Variants in DOCK4 observed in about 807,000 individuals in gnomAD.
DOCK4 encodes dedicator of cytokinesis protein 4.
Under a neutral mutation model 268.1 loss-of-function variants are expected in DOCK4, and 97 were observed. The observed-to-expected ratio is 0.36, with a 90% confidence interval of 0.31 to 0.43. The LOEUF (loss-of-function observed/expected upper bound fraction) is 0.43, where lower values mean the gene tolerates loss of function less well. DOCK4 is among the 20% of genes least tolerant of loss of function. The pLI is 1.00. For missense variants in DOCK4, 2,145 were observed against 2,455.7 expected (o/e 0.87, Z 2.67); for synonymous variants, 954 against 887.2 (o/e 1.08, Z -1.34).
intron 1 of DOCK4, among the ~76,000 whole-genome samples, chr7:112,111,468 C>T (rs1811647472): frequency 6.6e-6 from 1 of 152,176 alleles, no homozygotes; most frequent in African/African-American, 2.4e-5. Flanking sequence ...TTTATACTGA[C>T]ATCATTTAGC....
At chr7:111,947,182 CTA>C (rs1413837180) in intron 8 of DOCK4, among the ~76,000 whole-genome samples, 2 of 152,134 alleles carry the variant, frequency 1.3e-5, no homozygotes, top group African/African-American at 2.4e-5. Context: ...AAGGAAGCCT[CTA>C]TGTTATCACC....
chr7:111,776,118 A>G (rs1798427880), intron 36 of DOCK4, among the ~76,000 whole-genome samples: 2 of 152,212 alleles, frequency 1.3e-5, no homozygotes, highest in Non-Finnish European at 2.9e-5. Context: ...GTCCTATAAC[A>G]TAATATTCAA....
chr7:111,768,175 C>T (rs1797881844), intron 37 of DOCK4, among the ~76,000 whole-genome samples: 1 of 152,120 alleles, frequency 6.6e-6, no homozygotes, highest in African/African-American at 2.4e-5. Flanking sequence ...AGCTTTGGGG[C>T]TGTACAGAAA....
rs199606739 is a variant in DOCK4, at chr7:111,985,574, GC to G, written c.465-1185del. ...CAGCACCTACTTCAAGCCAGGCACT[GC>G]CCCAGCCACCCTGAGGGCTATTTGT... On this transcript the variant is annotated intron_variant, in intron 6 of 52. Coordinates refer to ENST00000428084, the MANE Select transcript of DOCK4 (RefSeq NM_001363540.2). Among the ~76,000 whole-genome samples the G allele has an allele frequency of 5.6e-3, 851 of 152,268 alleles. 8 individuals are homozygous for G. The highest frequency in any genetic ancestry group is 0.019 in the African/African-American group (806 of 41,536).
At chr7:111,773,397 A>C (rs1194083805) in intron 36 of DOCK4, among the ~76,000 whole-genome samples, 4 of 152,226 alleles carry the variant, frequency 2.6e-5, no homozygotes, top group Non-Finnish European at 5.9e-5. Context: ...TGAGTAAACA[A>C]ATTAAAGAAA....
At chr7:111,849,289 G>GTCTT (rs1276844657) in intron 23 of DOCK4, among the ~76,000 whole-genome samples, 1 of 144,588 alleles carries the variant, frequency 6.9e-6, no homozygotes, top group Non-Finnish European at 1.5e-5. Context: ...TTGAGACGGA[G>GTCTT]TCTTGCTCTG....
At position 111,897,896 on chromosome 7, in the gene DOCK4, C is replaced by T. The variant is rs183187192; in HGVS notation, c.1481-2178G>A. 2.2e-4 allele frequency among the ~76,000 whole-genome samples: 33 copies of T among 152,234 alleles called. 1 individual carries two copies. In the East Asian group the frequency reaches 4.0e-3, roughly 19 times the overall value. On this transcript the variant is annotated intron_variant, in intron 15 of 52. Transcript: ENST00000428084. ...TTAAATGATCACTTCATTCTCAGGCCGACATCTTTGGGTTACCCTGGACTT... is the reference window on the plus strand; with the variant it reads ...TTAAATGATCACTTCATTCTCAGGCTGACATCTTTGGGTTACCCTGGACTT...
At chr7:112,201,140 G>A (rs957266350) in intron 1 of DOCK4, among the ~76,000 whole-genome samples, 5 of 152,034 alleles carry the variant, frequency 3.3e-5, no homozygotes, top group Admixed American at 6.6e-5. Context: ...TCCTTATTAC[G>A]CTCTATCACA....
At chr7:112,129,983 C>CA (rs1813653281) in intron 1 of DOCK4, among the ~76,000 whole-genome samples, 1 of 152,200 alleles carries the variant, frequency 6.6e-6, no homozygotes, top group South Asian at 2.1e-4. Flanking sequence ...CCCCCAGTGA[C>CA]AAGTCCTTGG....
chr7:112,058,048 T>C (rs983879600), intron 1 of DOCK4, among the ~76,000 whole-genome samples: 2 of 141,902 alleles, frequency 1.4e-5, no homozygotes, highest in African/African-American at 2.9e-5. Flanking sequence ...TTTTTTTTTT[T>C]TTACTAGTAG....
intron 47 of DOCK4, among the ~76,000 whole-genome samples, chr7:111,740,497 C>T (rs1381950097): frequency 6.6e-6 from 1 of 150,650 alleles, no homozygotes; most frequent in African/African-American, 2.4e-5. Context: ...CTTTGGGAGG[C>T]CAAATTGGGC....
chr7:111,945,695 G>A, intron 9 of DOCK4, 22 bp downstream of exon 9: 1 of 1,569,868 alleles, frequency 6.4e-7, no homozygotes, highest in Non-Finnish European at 8.7e-7. Context: ...TCTGCCTTAT[G>A]AATGAAACAA....
intron 1 of DOCK4, among the ~76,000 whole-genome samples, chr7:112,135,650 T>C (rs1478891872): frequency 6.6e-6 from 1 of 151,900 alleles, no homozygotes; most frequent in Non-Finnish European, 1.5e-5. Flanking sequence ...GTGCAAGGAA[T>C]TAAATACCAT....
At position 112,170,197 on chromosome 7, in the gene DOCK4, T is replaced by A. The variant is rs892210810; in HGVS notation, c.37+35905A>T. 1.1e-4 allele frequency among the ~76,000 whole-genome samples: 16 copies of A among 152,170 alleles called. No individual in the cohort carries two copies. In the East Asian group the frequency reaches 3.1e-3, roughly 29 times the overall value. On this transcript the variant is annotated intron_variant, in intron 1 of 52. Coordinates refer to ENST00000428084, the MANE Select transcript of DOCK4 (RefSeq NM_001363540.2). ...GGTCGGGCACAGTGACCACCGGTAA[T>A]CCCAGCGCTTTGGGAGGCTAAGACA...
intron 8 of DOCK4, among the ~76,000 whole-genome samples, chr7:111,951,903 C>T (rs571301185): frequency 3.6e-4 from 54 of 151,754 alleles, no homozygotes; most frequent in Non-Finnish European, 6.5e-4. Context: ...AAGAGCAAAA[C>T]TAACTATGTC....
chr7:112,155,238 G>C (rs575114048), intron 1 of DOCK4, among the ~76,000 whole-genome samples: 1 of 152,122 alleles, frequency 6.6e-6, no homozygotes, highest in Non-Finnish European at 1.5e-5. Context: ...TACACAGTAG[G>C]TAAAAATTTG....
chr7:112,097,900 C>T (rs1810299196), intron 1 of DOCK4, among the ~76,000 whole-genome samples: 1 of 152,130 alleles, frequency 6.6e-6, no homozygotes, highest in Non-Finnish European at 1.5e-5. Context: ...AAAGGGATTC[C>T]ACTGTGTGTT....
chr7:112,027,989 A>T (rs947251592), intron 1 of DOCK4, among the ~76,000 whole-genome samples: 1 of 152,232 alleles, frequency 6.6e-6, no homozygotes, highest in African/African-American at 2.4e-5. Flanking sequence ...GGCAGTACAT[A>T]GAAGAGGATT....
chr7:111,984,436 A>C, intron 6 of DOCK4, 46 bp from the exon 7 acceptor site: 2 of 1,515,040 alleles, frequency 1.3e-6, no homozygotes, highest in Non-Finnish European at 1.8e-6. Context: ...TACCTCCATG[A>C]AATATGTTAA....
Sources: gnomAD v4.1 joint callset for allele counts (sites outside exome capture counted in the v4.1 genomes callset) on GRCh38, gnomAD v4.1.1 for gene constraint, MANE v1.5 for transcripts, NCBI Gene and HGNC (gene_info 2026-07-23, HGNC 2026-07-21) for gene names.